The following DMXL1 variants were observed in gnomAD, a reference collection of about 807,000 sequenced individuals.
The protein encoded by DMXL1 is Dmx like 1, also known as dmX-like protein 1.
Under a neutral mutation model 319.2 loss-of-function variants are expected in DMXL1, and 99 were observed. The observed-to-expected ratio is 0.31, with a 90% CI of 0.26 to 0.37. The LOEUF is 0.37. DMXL1 is among the 10% of genes least tolerant of loss of function. The pLI is 1.00. For synonymous variants in DMXL1, 1,385 were observed against 1,235.2 expected, an observed-to-expected ratio of 1.12 and a Z score of -2.54; for missense variants, 3,745 against 3,595.6, an observed-to-expected ratio of 1.04 and a Z score of -1.06.
intron 7 of DMXL1, among the ~76,000 whole-genome samples, chr5:119,116,865 C>T (rs1760958596): frequency 6.6e-6 from 1 of 152,002 alleles, no homozygotes; most frequent in African/African-American, 2.4e-5. Flanking sequence ...TAAGTTTAAC[C>T]ACAAAAGCAC....
chr5:119,077,754 AGTGT>A (rs59365686), intron 1 of DMXL1, among the ~76,000 whole-genome samples: 2,173 of 125,382 alleles, frequency 0.017, 50 homozygotes, highest in African/African-American at 0.053. Flanking sequence ...TTATTTTTTA[AGTGT>A]GTGTGTGTGT....
chr5:119,238,909 T>C (rs1407801855), intron 40 of DMXL1, 80 bp from the exon 41 acceptor site: 1 of 1,556,088 alleles, frequency 6.4e-7, no homozygotes, highest in Non-Finnish European at 8.7e-7. Flanking sequence ...AACTACATGA[T>C]CACTTTTCGA....
At chr5:119,210,187 G>C (rs374903139) in intron 34 of DMXL1, among the ~76,000 whole-genome samples, 60 of 152,282 alleles carry the variant, frequency 3.9e-4, no homozygotes, top group African/African-American at 1.4e-3. Flanking sequence ...CTGGGCTCAA[G>C]TGATCTGCCC....
At chr5:119,186,819 T>C (rs952745379) in intron 28 of DMXL1, among the ~76,000 whole-genome samples, 4 of 151,934 alleles carry the variant, frequency 2.6e-5, no homozygotes, top group Admixed American at 1.3e-4. Flanking sequence ...AGGAAAGGAT[T>C]GTTAAGGGAA....
chr5:119,166,536 A>G (rs1773476905), intron 21 of DMXL1, 80 bp from the exon 22 acceptor site: 4 of 1,310,070 alleles, frequency 3.1e-6, no homozygotes, highest in Non-Finnish European at 4.3e-6. Flanking sequence ...GACTTAGCCA[A>G]ATCTTAACTT....
At chr5:119,080,524 C>T (rs540611500) in intron 1 of DMXL1, among the ~76,000 whole-genome samples, 1 of 152,036 alleles carries the variant, frequency 6.6e-6, no homozygotes, top group Admixed American at 6.6e-5. Context: ...ATCCTTAACA[C>T]CTAATCCTCC....
In DMXL1 at chr5:119,133,508, C is replaced by T; in HGVS notation, c.1584C>T (p.Ser528=). 6.2e-7 allele frequency: 1 copy of T among 1,605,242 alleles called. No homozygotes were observed. The highest frequency in any genetic ancestry group is 8.5e-7 in the Non-Finnish European group (1 of 1,176,878). Residue 528 remains serine, a synonymous_variant, in exon 12 of 44, where the codon TCC becomes TCT. Coordinates refer to ENST00000539542, the MANE Select transcript of DMXL1 (RefSeq NM_001290321.3). ...CTTGATTCTAGGTGTCCTTTGTTTC[C>T]AGAATTCCAGTAGCTTTCCCCACAG... ...MFRQVQVSFV[S]RIPVAFPTGD... is the part of the protein sequence containing the mutation.
chr5:119,134,797 C>T (rs76410300), intron 13 of DMXL1, among the ~76,000 whole-genome samples: 4,716 of 152,292 alleles, frequency 0.031, 116 homozygotes, highest in Non-Finnish European at 0.042. Context: ...GACAAGAGTT[C>T]TTTCAGTATT....
chr5:119,149,788 A>ACTCTAC lies in DMXL1; in HGVS notation c.3965_3970dup (p.Leu1322_Pro1323dup). On this transcript the variant is annotated inframe_insertion, in exon 18 of 44. Coordinates refer to ENST00000539542, the MANE Select transcript of DMXL1 (RefSeq NM_001290321.3). ...TGAAGCAGCTCATGTACTTTCCCCG[A>ACTCTAC]CTCTACCTCAGTATCATCCCTTGCA... is the stretch of plus-strand genomic sequence containing the variant. The ACTCTAC allele has an allele frequency of 6.2e-7, 1 of 1,613,748 alleles. No individual in the cohort carries two copies. Among genetic ancestry groups the ACTCTAC allele is most frequent in the Non-Finnish European group, 8.5e-7 (1 of 1,179,878 alleles).
At chr5:119,148,513 T>C (rs1769072729) in intron 17 of DMXL1, among the ~76,000 whole-genome samples, 1 of 152,154 alleles carries the variant, frequency 6.6e-6, no homozygotes, top group Admixed American at 6.5e-5. Context: ...TTATATACCT[T>C]TCTGATGTCA....
At chr5:119,207,663 CG>C in intron 34 of DMXL1, among the ~76,000 whole-genome samples, 1 of 152,072 alleles carries the variant, frequency 6.6e-6, no homozygotes, top group Non-Finnish European at 1.5e-5. Flanking sequence ...GGATTATAGG[CG>C]CCCACCACCA....
intron 13 of DMXL1, among the ~76,000 whole-genome samples, chr5:119,142,931 G>C (rs1229256722): frequency 6.6e-6 from 1 of 151,684 alleles, no homozygotes; most frequent in African/African-American, 2.4e-5. Context: ...TCTTTATGGA[G>C]GCCATTCTTT....
intron 28 of DMXL1, among the ~76,000 whole-genome samples, chr5:119,188,484 A>G (rs1399255673): frequency 6.6e-6 from 1 of 152,246 alleles, no homozygotes; most frequent in Admixed American, 6.5e-5. Flanking sequence ...AGTTTTTGAA[A>G]GGTAAAAAAA....
rs139360670 is a variant in DMXL1 at position 119,086,482 on chromosome 5, T to C, written c.88-11497T>C. Among the ~76,000 whole-genome samples the C allele has an allele frequency of 3.4e-3, 523 of 152,340 alleles. 4 individuals are homozygous for C. The highest frequency in any genetic ancestry group is 0.019 in the South Asian group (92 of 4,824). ...TTGAGAATTTTTGTATCTGTCTTCA[T>C]GTGTGATATGGGCTTGTAGTTTTTT... On this transcript the variant is annotated intron_variant, in intron 1 of 43. Transcript: ENST00000539542.
chr5:119,201,727 A>G (rs920130424), intron 32 of DMXL1, among the ~76,000 whole-genome samples: 1 of 152,156 alleles, frequency 6.6e-6, no homozygotes, highest in Non-Finnish European at 1.5e-5. Flanking sequence ...TATGCTATTC[A>G]TTACTGATTG....
At chr5:119,193,552 T>C (rs1450949647) in intron 29 of DMXL1, among the ~76,000 whole-genome samples, 1 of 152,150 alleles carries the variant, frequency 6.6e-6, no homozygotes, top group Non-Finnish European at 1.5e-5. Context: ...ATGTAAAAAG[T>C]AAATGAGGGT....
intron 37 of DMXL1, among the ~76,000 whole-genome samples, chr5:119,223,183 AG>A (rs1784942992): frequency 6.7e-6 from 1 of 150,272 alleles, no homozygotes; most frequent in African/African-American, 2.5e-5. Context: ...CAGCCTCCCT[AG>A]TAGCTGGGAT....
intron 19 of DMXL1, among the ~76,000 whole-genome samples, chr5:119,163,009 A>C (rs1055862674): frequency 9.2e-5 from 14 of 152,234 alleles, no homozygotes; most frequent in African/African-American, 3.1e-4. Flanking sequence ...GTAATGCTAA[A>C]CAAAATGTAT....
intron 23 of DMXL1, among the ~76,000 whole-genome samples, chr5:119,168,452 G>A (rs1401574389): frequency 6.6e-6 from 1 of 152,150 alleles, no homozygotes; most frequent in Non-Finnish European, 1.5e-5. Flanking sequence ...TGTTTTCATA[G>A]ATTGAATTGT....
Sources: gnomAD v4.1 joint callset for allele counts (sites outside exome capture counted in the v4.1 genomes callset) on GRCh38, gnomAD v4.1.1 for gene constraint, MANE v1.5 for transcripts, NCBI Gene and HGNC (gene_info 2026-07-23, HGNC 2026-07-21) for gene names.